Variants in CFAP46 observed in about 807,000 individuals in gnomAD.
The protein encoded by CFAP46 is cilia and flagella associated protein 46.
Under a neutral mutation model 325.7 loss-of-function variants are expected in CFAP46, and 245 were observed. That is an observed-to-expected ratio of 0.75 (90% confidence interval 0.68 to 0.84). The LOEUF (loss-of-function observed/expected upper bound fraction) is 0.84, where lower values mean the gene tolerates loss of function less well. Ranked by LOEUF, CFAP46 falls within the 40% of genes least tolerant of loss-of-function variation. CFAP46 has a pLI of 0.00. For synonymous variants in CFAP46, 1,523 were observed against 1,495.9 expected (o/e 1.02, Z -0.42); for missense variants, 3,346 against 3,543.0 (o/e 0.94, Z 1.41).
chr10:132,919,451 C>G lies in CFAP46; in HGVS notation c.1731-9G>C. 8 of 1,545,066 alleles carry G rather than the reference C, an allele frequency of 5.2e-6. No homozygotes were observed. The highest frequency in any genetic ancestry group is 7.0e-6 in the Non-Finnish European group (8 of 1,145,156). On this transcript the variant is annotated splice_polypyrimidine_tract_variant and intron_variant, in intron 14 of 57. Transcript: ENST00000368586. The surrounding 1 kb of genome is among the most constrained non-coding windows in gnomAD (Gnocchi z 9.7). ...CTGCCCAAATCTGTATCCTGCTCAC[C>G]GAGAACCCAAACGAGTGAAAGGTGA... is the stretch of plus-strand genomic sequence containing the variant.
chr10:132,869,116 G>C lies in CFAP46; in HGVS notation c.4610+158C>G, dbSNP rs549209511. The stretch of plus-strand genomic sequence containing the variant: ...CCTCCCCACAACCCACCTCCAGCAC[G>C]ACCCAGGAGAACCGGCCACAGCCGT... On this transcript the variant is annotated intron_variant, in intron 33 of 57. Coordinates refer to ENST00000368586, the MANE Select transcript of CFAP46 (RefSeq NM_001200049.3). This position sits in a 1 kb window ranked among gnomAD's most constrained non-coding sequence, Gnocchi z 6.2. Among the ~76,000 whole-genome samples the C allele has an allele frequency of 6.6e-6, 1 of 152,178 alleles. No homozygotes were observed. The highest frequency in any genetic ancestry group is 2.4e-5 in the African/African-American group (1 of 41,528).
chr10:132,866,801 G>GT (rs1564784494), intron 34 of CFAP46, among the ~76,000 whole-genome samples: 1 of 152,238 alleles, frequency 6.6e-6, no homozygotes, highest in Non-Finnish European at 1.5e-5. Flanking sequence ...CGGTAACTGC[G>GT]TTTTGGGTTA....
chr10:132,836,149 C>A lies in CFAP46; in HGVS notation c.6606G>T (p.Ala2202=), dbSNP rs747564572. The A allele has an allele frequency of 6.2e-7, 1 of 1,607,464 alleles. No homozygotes were observed. The highest frequency in any genetic ancestry group is 8.5e-7 in the Non-Finnish European group (1 of 1,178,906). The stretch of plus-strand genomic sequence containing the variant: ...CCCTGCAGCCCTGCTCACCTCCCAC[C>A]GCCTGCACCTTTCCTTTGGCTGCAG... The part of the protein sequence containing the change: ...FITAAKGKVQ[A]VGGSCKVMRL... Residue 2202 remains alanine (A), a synonymous_variant, in exon 46 of 58, where the codon GCG becomes GCT. Transcript: ENST00000368586.
chr10:132,860,647 T>C (rs1848708633), intron 36 of CFAP46, 124 bp from the exon 37 acceptor site: 1 of 1,197,802 alleles, frequency 8.3e-7, no homozygotes, highest in Non-Finnish European at 1.2e-6. Context: ...TACGGGTGTG[T>C]CTGAGGGTGG....
chr10:132,846,199 T>TGTG lies in CFAP46; in HGVS notation c.6295_6296insCAC (p.Asp2099delinsAlaHis). On this transcript the variant is annotated protein_altering_variant, in exon 44 of 58. Coordinates refer to ENST00000368586, the MANE Select transcript of CFAP46 (RefSeq NM_001200049.3). ...GTTGGCTGTGGCTGCAAGCAGGACATCCCTCATCGTCTCTGAGGCCGAGCA... is the reference window on the plus strand; with the variant it reads ...GTTGGCTGTGGCTGCAAGCAGGACATGTGCCCTCATCGTCTCTGAGGCCGAGCA... The TGTG allele has an allele frequency of 1.2e-6, 2 of 1,612,044 alleles. No homozygotes were observed. The highest frequency in any genetic ancestry group is 1.7e-6 in the Non-Finnish European group (2 of 1,179,674).
intron 27 of CFAP46, among the ~76,000 whole-genome samples, chr10:132,883,883 G>C (rs1849083379): frequency 6.6e-6 from 1 of 152,236 alleles, no homozygotes. Flanking sequence ...AATGGAGGGA[G>C]AGAAGGATGG....
chr10:132,820,935 G>A (rs1214581013), intron 50 of CFAP46, among the ~76,000 whole-genome samples: 8 of 90,956 alleles, frequency 8.8e-5, no homozygotes, highest in South Asian at 5.1e-4. Flanking sequence ...CTGTGTGTGC[G>A]CTGATGTGTG....
At position 132,885,840 on chromosome 10, in the gene CFAP46, G is replaced by A. The variant is rs1349513159; in HGVS notation, c.3424C>T (p.Pro1142Ser). 4 of 1,530,306 alleles carry A rather than the reference G, an allele frequency of 2.6e-6. No individual in the cohort carries two copies. The highest frequency in any genetic ancestry group is 2.5e-5 in the East Asian group (1 of 40,130). The allele number at this position is 1,530,306 out of a possible 1,614,324, so 94.8% of individuals were successfully genotyped here. The change falls in exon 26 of 58, where the codon CCA becomes TCA. Residue 1142 changes from proline to serine, a missense_variant. Physicochemically the swap from Pro to Ser is moderately conservative, Grantham distance 74. Coordinates refer to ENST00000368586, the MANE Select transcript of CFAP46 (RefSeq NM_001200049.3). Reference protein sequence around the residue: ...KVLDEAVQVLPRTAHRLLIFK... With the variant: ...KVLDEAVQVLSRTAHRLLIFK... ...ACTCACAGGCGGTGGGCCGTCCTTG[G>A]CAGCACCTGCACAGCCTCGTCCAGC...
intron 50 of CFAP46, among the ~76,000 whole-genome samples, chr10:132,823,813 CTG>C (rs1274385330): frequency 8.1e-6 from 1 of 123,506 alleles, no homozygotes. Context: ...GTGCTGTGTG[CTG>C]TGTGAGTGCT....
In CFAP46 at chr10:132,885,858, C is replaced by A; in HGVS notation, c.3406G>T (p.Glu1136Ter). Reference sequence around the variant, plus strand: ...GTCCTTGGCAGCACCTGCACAGCCTCGTCCAGCACCTTGAGGCCGCCCTCC... The same window carrying A: ...GTCCTTGGCAGCACCTGCACAGCCTAGTCCAGCACCTTGAGGCCGCCCTCC... The part of the protein sequence containing the change: ...DWEGGLKVLD[E>*]AVQVLPRTAH... Residue 1136 changes from glutamate (E) to a stop codon, truncating the protein, a stop_gained, in exon 26 of 58, where the codon GAG becomes TAG. Coordinates refer to ENST00000368586, the MANE Select transcript of CFAP46 (RefSeq NM_001200049.3). LOFTEE classifies it high-confidence loss of function. 6.5e-7 allele frequency: 1 copy of A among 1,550,106 alleles called. No homozygotes were observed. The highest frequency in any genetic ancestry group is 1.2e-5 in the South Asian group (1 of 84,048).
At chr10:132,909,269 T>G in intron 20 of CFAP46, 25 bp from the exon 21 acceptor site, 1 of 1,516,446 alleles carries the variant, frequency 6.6e-7, no homozygotes, top group Non-Finnish European at 9.0e-7. Flanking sequence ...GCCCTGAGTG[T>G]ATCAGCCCAA....
Position 132,847,123 on chromosome 10 carries a change from A to AAGGCTC in CFAP46, c.6088-18_6088-13dup. 5 of 1,608,834 alleles carry AAGGCTC rather than the reference A, an allele frequency of 3.1e-6. No homozygotes were observed. The highest frequency in any genetic ancestry group is 2.5e-6 in the Non-Finnish European group (3 of 1,177,996). ...AGAACCATCCTCCTCTGTGGGGCACAAGGCTCAGGCTCAGGCCAGGCTCCG... is the reference window on the plus strand; with the variant it reads ...AGAACCATCCTCCTCTGTGGGGCACAAGGCTCAGGCTCAGGCTCAGGCCAGGCTCCG... On this transcript the variant is annotated splice_polypyrimidine_tract_variant and intron_variant, in intron 42 of 57. Transcript: ENST00000368586. This position sits in a 1 kb window ranked among gnomAD's most constrained non-coding sequence, Gnocchi z 5.2.
At position 132,828,851 on chromosome 10, in the gene CFAP46, G is replaced by T. The variant is rs866890343; in HGVS notation, c.7117+4507C>A. Among the ~76,000 whole-genome samples the T allele has an allele frequency of 6.6e-6, 1 of 152,066 alleles. No homozygotes were observed. Among genetic ancestry groups the T allele is most frequent in the African/African-American group, 2.4e-5 (1 of 41,364 alleles). ...TGGAGATGCCCTTCCTCCGCTCAGC[G>T]TCCTCGTCCCTTTGCCAGCCACCAC... On this transcript the variant is annotated intron_variant, in intron 50 of 57. Transcript: ENST00000368586. This position sits in a 1 kb window ranked among gnomAD's most constrained non-coding sequence, Gnocchi z 4.9.
At chr10:132,851,856 C>T (rs1354009142) in intron 39 of CFAP46, among the ~76,000 whole-genome samples, 2 of 136,402 alleles carry the variant, frequency 1.5e-5, no homozygotes, top group East Asian at 2.0e-4. Flanking sequence ...TGGTATGTTC[C>T]TCCATTTACT....
chr10:132,899,408 G>A (rs1849363239), intron 23 of CFAP46, 127 bp downstream of exon 23: 2 of 1,335,396 alleles, frequency 1.5e-6, no homozygotes, highest in Non-Finnish European at 2.0e-6. Flanking sequence ...GGCCGCACCG[G>A]CCACCTCCCC....
intron 49 of CFAP46, 54 bp downstream of exon 49, chr10:132,833,987 C>A: frequency 6.4e-7 from 1 of 1,559,080 alleles, no homozygotes; most frequent in South Asian, 1.1e-5. Flanking sequence ...CCAACCCCAC[C>A]TCTTCTGGCG....
At position 132,922,126 on chromosome 10, in the gene CFAP46, C is replaced by T. The variant is rs143727631; in HGVS notation, c.1584G>A (p.Leu528=). 7.9e-4 allele frequency: 1,227 copies of T among 1,550,370 alleles called. 11 individuals are homozygous for T. Among genetic ancestry groups the T allele is most frequent in the Middle Eastern group, 1.7e-4 (1 of 5,972 alleles). ...CACCTTTGGCCTCATTCTCACTGTCCAGCACAATCTGAAACGCGTCAGGGG... is the reference window on the plus strand; with the variant it reads ...CACCTTTGGCCTCATTCTCACTGTCTAGCACAATCTGAAACGCGTCAGGGG... ...ALAPDAFQIV[L]DSENEAKVST... is the part of the protein sequence containing the mutation. The change falls in exon 13 of 58, where the codon CTG becomes CTA. Residue 528 remains leucine, a synonymous_variant. Transcript: ENST00000368586.
intron 9 of CFAP46, among the ~76,000 whole-genome samples, chr10:132,927,028 C>T (rs891398104): frequency 8.5e-5 from 13 of 152,146 alleles, no homozygotes; most frequent in South Asian, 2.1e-4. Context: ...TACGTCACAC[C>T]GGGAAGAAGG....
At position 132,846,050 on chromosome 10, in the gene CFAP46, C is replaced by A; in HGVS notation, c.6438+7G>T. 2 of 1,600,216 alleles carry A rather than the reference C, an allele frequency of 1.2e-6. No individual in the cohort carries two copies. Among genetic ancestry groups the A allele is most frequent in the East Asian group, 2.2e-5 (1 of 44,732 alleles). ...GGGCAGGTTCAGCGGCATCCGTGCCCGCTTACCTTGGACACGGCGGCCAGC... is the reference window on the plus strand; with the variant it reads ...GGGCAGGTTCAGCGGCATCCGTGCCAGCTTACCTTGGACACGGCGGCCAGC... On this transcript the variant is annotated splice_region_variant and intron_variant, in intron 44 of 57. Transcript: ENST00000368586.
Sources: gnomAD v4.1 joint callset for allele counts (sites outside exome capture counted in the v4.1 genomes callset) on GRCh38, gnomAD v4.1.1 for gene constraint, Gnocchi (gnomAD v3.1) non-coding constraint, MANE v1.5 for transcripts, NCBI Gene and HGNC (gene_info 2026-07-23, HGNC 2026-07-21) for gene names.